FLVCR2: variants seen among roughly 807,000 people sequenced by gnomAD.
FLVCR2 encodes the protein choline/ethanolamine transporter FLVCR2.
A neutral mutation model predicts 48.9 loss-of-function variants in FLVCR2; 38 were observed. The ratio of observed to expected loss-of-function variants is 0.78; its 90% CI spans 0.60 to 1.02. The LOEUF (loss-of-function observed/expected upper bound fraction) is 1.02, where lower values mean the gene tolerates loss of function less well. Ranked by LOEUF, FLVCR2 falls within the 50% of genes least tolerant of loss-of-function variation. The pLI is 0.00. For synonymous variants in FLVCR2, 255 were observed against 257.0 expected, an observed-to-expected ratio of 0.99 and a Z score of 0.07; for missense variants, 664 against 663.3, an observed-to-expected ratio of 1.00 and a Z score of -0.01.
intron 1 of FLVCR2, among the ~76,000 whole-genome samples, chr14:75,611,298 G>T (rs1220600870): frequency 1.3e-5 from 2 of 152,228 alleles, no homozygotes; most frequent in Non-Finnish European, 2.9e-5. Context: ...GGAGTGTCGG[G>T]TGTGAGGGCA....
At chr14:75,601,055 G>C (rs1044694777) in intron 1 of FLVCR2, among the ~76,000 whole-genome samples, 1 of 152,226 alleles carries the variant, frequency 6.6e-6, no homozygotes, top group Non-Finnish European at 1.5e-5. Flanking sequence ...ACAGCATTCA[G>C]AGCCGAGAAC....
At chr14:75,611,757 CAAAA>C (rs530229324) in intron 1 of FLVCR2, among the ~76,000 whole-genome samples, 1 of 151,914 alleles carries the variant, frequency 6.6e-6, no homozygotes, top group Non-Finnish European at 1.5e-5. Context: ...AACAAACAAA[CAAAA>C]AAACCCACAA....
At chr14:75,591,796 CTCTTCATTCCTTTTTT>C in intron 1 of FLVCR2, among the ~76,000 whole-genome samples, 1 of 144,284 alleles carries the variant, frequency 6.9e-6, no homozygotes, top group South Asian at 2.3e-4. Flanking sequence ...CTCTCTTTTT[CTCTTCATTCCTTTTTT>C]TTTTTTTTTT....
At chr14:75,614,992 AT>A (rs1452556646) in intron 1 of FLVCR2, among the ~76,000 whole-genome samples, 3 of 152,184 alleles carry the variant, frequency 2.0e-5, no homozygotes, top group Non-Finnish European at 2.9e-5. Context: ...GGGGATTACA[AT>A]TCGAGATGAG....
intron 5 of FLVCR2, among the ~76,000 whole-genome samples, chr14:75,636,014 A>C (rs1890159827): frequency 6.6e-6 from 1 of 152,158 alleles, no homozygotes; most frequent in African/African-American, 2.4e-5. Context: ...CTGGCCTTGG[A>C]GAAAATCCTC....
At chr14:75,601,654 C>T (rs1275369239) in intron 1 of FLVCR2, among the ~76,000 whole-genome samples, 2 of 152,102 alleles carry the variant, frequency 1.3e-5, no homozygotes, top group East Asian at 3.8e-4. Flanking sequence ...ATAAAATTAC[C>T]ATATGATCCA....
At position 75,602,225 on chromosome 14, in the gene FLVCR2, C is replaced by T. The variant is rs552458696; in HGVS notation, c.670-19854C>T. ...TTTATCCAGCACGGTCTCTAGCCCC[C>T]TCCCCTCCCCTCCCCTCCCTGGAGT... On this transcript the variant is annotated intron_variant, in intron 1 of 9. Transcript: ENST00000238667. Among the ~76,000 whole-genome samples, 203 of 152,262 alleles carry T rather than the reference C, an allele frequency of 1.3e-3. No individual in the cohort carries two copies. In the South Asian group the frequency reaches 0.023, roughly 17 times the overall value.
chr14:75,615,674 T>C (rs1488409021), intron 1 of FLVCR2, among the ~76,000 whole-genome samples: 2 of 152,002 alleles, frequency 1.3e-5, no homozygotes, highest in Admixed American at 6.6e-5. Flanking sequence ...AGTATGATGA[T>C]GTCTCTGAGG....
intron 5 of FLVCR2, among the ~76,000 whole-genome samples, chr14:75,637,130 A>T (rs1391687543): frequency 6.6e-6 from 1 of 152,228 alleles, no homozygotes; most frequent in African/African-American, 2.4e-5. Flanking sequence ...GCAGTAGCAG[A>T]AGGGACACAG....
At chr14:75,632,194 C>A (rs917986582) in intron 3 of FLVCR2, among the ~76,000 whole-genome samples, 6 of 152,230 alleles carry the variant, frequency 3.9e-5, no homozygotes, top group Non-Finnish European at 8.8e-5. Context: ...TCAAATCCAG[C>A]TCCATCACTT....
chr14:75,583,236 T>A (rs1888657124), intron 1 of FLVCR2, among the ~76,000 whole-genome samples: 1 of 152,168 alleles, frequency 6.6e-6, no homozygotes. Flanking sequence ...CACCACGGAC[T>A]GGATAGACAA....
At chr14:75,632,890 A>C in intron 3 of FLVCR2, 1 of 702,414 alleles carries the variant, frequency 1.4e-6, no homozygotes, top group Non-Finnish European at 2.6e-6. Context: ...AGGTATGTGC[A>C]GCCGCCATTG....
chr14:75,624,497 C>A, intron 2 of FLVCR2, 115 bp from the exon 3 acceptor site: 2 of 1,201,964 alleles, frequency 1.7e-6, no homozygotes, highest in South Asian at 1.2e-5. Flanking sequence ...ATTACTATTT[C>A]CTTTGGGAGT....
chr14:75,592,374 C>A (rs1053968613), intron 1 of FLVCR2, among the ~76,000 whole-genome samples: 1 of 152,126 alleles, frequency 6.6e-6, no homozygotes, highest in Non-Finnish European at 1.5e-5. Context: ...TCCCACCATT[C>A]TGTCCTCCTA....
At chr14:75,643,094 T>C (rs999955614) in intron 9 of FLVCR2, among the ~76,000 whole-genome samples, 28 of 152,212 alleles carry the variant, frequency 1.8e-4, no homozygotes, top group African/African-American at 5.3e-4. Context: ...ACTCCTGACC[T>C]CAAATGACCC....
chr14:75,581,602 G>A (rs1375768752), intron 1 of FLVCR2, among the ~76,000 whole-genome samples: 5 of 147,964 alleles, frequency 3.4e-5, no homozygotes, highest in African/African-American at 1.2e-4. Context: ...CAGAAGGGAA[G>A]AAATGACCGC....
intron 9 of FLVCR2, among the ~76,000 whole-genome samples, chr14:75,642,241 T>C (rs920895443): frequency 2.6e-5 from 4 of 152,162 alleles, no homozygotes; most frequent in Non-Finnish European, 5.9e-5. Context: ...GCTCCACTGT[T>C]TTCAGCCTGG....
At chr14:75,586,090 A>G (rs1441425881) in intron 1 of FLVCR2, among the ~76,000 whole-genome samples, 3 of 152,222 alleles carry the variant, frequency 2.0e-5, no homozygotes, top group African/African-American at 4.8e-5. Context: ...CATCCACGTG[A>G]AGAGACCACC....
intron 1 of FLVCR2, among the ~76,000 whole-genome samples, chr14:75,620,374 C>T (rs1301794745): frequency 6.6e-6 from 1 of 152,206 alleles, no homozygotes; most frequent in Non-Finnish European, 1.5e-5. Context: ...AGGAGATCTG[C>T]TTTCTCACCT....
Sources: allele counts gnomAD v4.1 joint callset (sites outside exome capture counted in the v4.1 genomes callset), GRCh38; gene constraint gnomAD v4.1.1; transcripts MANE v1.5; gene names NCBI Gene and HGNC (gene_info 2026-07-23, HGNC 2026-07-21).